The following ANKS1B variants were observed in gnomAD, a reference collection of about 807,000 sequenced individuals.
The protein encoded by ANKS1B is ankyrin repeat and sterile alpha motif domain-containing protein 1B.
ANKS1B carries 36 observed loss-of-function variants against 148.3 expected under a neutral mutation model. The ratio of observed to expected loss-of-function variants is 0.24; its 90% CI spans 0.19 to 0.32. ANKS1B has a LOEUF of 0.32. ANKS1B is among the 10% of genes least tolerant of loss of function. ANKS1B has a pLI of 1.00. For missense variants in ANKS1B, 1,157 were observed against 1,542.6 expected (o/e 0.75, Z 4.19); for synonymous variants, 542 against 560.8 (o/e 0.97, Z 0.47).
chr12:99,528,622 C>G (rs2096955333), intron 9 of ANKS1B, among the ~76,000 whole-genome samples: 1 of 152,002 alleles, frequency 6.6e-6, no homozygotes, highest in Non-Finnish European at 1.5e-5. Context: ...TAAAATGATT[C>G]ATTTCAAAAA....
At chr12:98,781,554 G>A in intron 23 of ANKS1B, 1 of 415,856 alleles carries the variant, frequency 2.4e-6, no homozygotes, top group Non-Finnish European at 4.7e-6. Flanking sequence ...TCAAGTGACT[G>A]TTCCTTTCAC....
At chr12:99,046,442 G>C (rs1392470824) in intron 17 of ANKS1B, among the ~76,000 whole-genome samples, 1 of 152,178 alleles carries the variant, frequency 6.6e-6, no homozygotes, top group Non-Finnish European at 1.5e-5. Context: ...AACTGTAACT[G>C]TATTCCATAT....
chr12:99,756,336 T>C (rs547134197), intron 8 of ANKS1B, among the ~76,000 whole-genome samples: 3 of 151,914 alleles, frequency 2.0e-5, no homozygotes, highest in Non-Finnish European at 4.4e-5. Context: ...CCATTCACAA[T>C]AGCCACAAAA....
chr12:99,406,528 GAACT>G (rs1335213736), intron 11 of ANKS1B, among the ~76,000 whole-genome samples: 2 of 144,864 alleles, frequency 1.4e-5, no homozygotes, highest in Non-Finnish European at 3.0e-5. Flanking sequence ...AGCAAAAGCA[GAACT>G]AACAGGAAAA....
At chr12:99,547,466 C>T (rs186904566) in intron 9 of ANKS1B, among the ~76,000 whole-genome samples, 1 of 152,136 alleles carries the variant, frequency 6.6e-6, no homozygotes, top group East Asian at 1.9e-4. Flanking sequence ...TATGAGGCAC[C>T]AGCCCTAGAA....
intron 9 of ANKS1B, among the ~76,000 whole-genome samples, chr12:99,527,332 G>C (rs1206596000): frequency 2.0e-5 from 3 of 152,110 alleles, no homozygotes; most frequent in Non-Finnish European, 4.4e-5. Context: ...CTTTCTTCTT[G>C]ATAAAATTCC....
intron 11 of ANKS1B, among the ~76,000 whole-genome samples, chr12:99,438,205 C>A (rs778135085): frequency 1.3e-5 from 2 of 151,806 alleles, no homozygotes; most frequent in African/African-American, 2.4e-5. Context: ...AACTTCCTCA[C>A]CTATAAAATG....
At chr12:98,853,636 G>A in intron 17 of ANKS1B, among the ~76,000 whole-genome samples, 1 of 152,306 alleles carries the variant, frequency 6.6e-6, no homozygotes, top group African/African-American at 2.4e-5. Context: ...TCCTGTGACT[G>A]CCCTAGTTAA....
chr12:99,122,501 G>C (rs555305092), intron 15 of ANKS1B, among the ~76,000 whole-genome samples: 1 of 152,158 alleles, frequency 6.6e-6, no homozygotes, highest in African/African-American at 2.4e-5. Context: ...AGAGATGTAG[G>C]TGTTTCGAGT....
At chr12:99,511,535 C>T (rs1267487520) in intron 9 of ANKS1B, among the ~76,000 whole-genome samples, 2 of 152,008 alleles carry the variant, frequency 1.3e-5, no homozygotes, top group African/African-American at 2.4e-5. Flanking sequence ...CTACCATTGA[C>T]ATTCTTCACA....
At chr12:99,196,105 GT>G (rs1463651688) in intron 14 of ANKS1B, among the ~76,000 whole-genome samples, 3 of 152,114 alleles carry the variant, frequency 2.0e-5, no homozygotes, top group Non-Finnish European at 4.4e-5. Context: ...GTCAACAGTA[GT>G]TTTTGCTGAT....
chr12:99,295,283 C>A (rs573380187), intron 12 of ANKS1B, among the ~76,000 whole-genome samples: 40 of 152,256 alleles, frequency 2.6e-4, no homozygotes, highest in Middle Eastern at 6.8e-3. Context: ...TAAATATTAG[C>A]CCAATGGCTA....
chr12:99,274,996 C>G (rs889444737), intron 12 of ANKS1B, among the ~76,000 whole-genome samples: 3 of 152,154 alleles, frequency 2.0e-5, no homozygotes, highest in African/African-American at 7.2e-5. Context: ...CAGGCAAAAT[C>G]TACATTGCCT....
chr12:99,238,142 A>G (rs1013908474), intron 14 of ANKS1B, among the ~76,000 whole-genome samples: 3 of 152,210 alleles, frequency 2.0e-5, no homozygotes, highest in Admixed American at 6.5e-5. Flanking sequence ...TCCCCTTCCT[A>G]GCCAAGGGAA....
At chr12:99,709,730 A>C (rs1043732410) in intron 8 of ANKS1B, among the ~76,000 whole-genome samples, 4 of 152,112 alleles carry the variant, frequency 2.6e-5, no homozygotes, top group African/African-American at 7.2e-5. Flanking sequence ...GGAATGAGAC[A>C]AGGGGAACAA....
chr12:99,691,260 C>T (rs1014122870), intron 8 of ANKS1B, among the ~76,000 whole-genome samples: 6 of 152,330 alleles, frequency 3.9e-5, no homozygotes, highest in South Asian at 4.1e-4. Context: ...CTTCTATGAA[C>T]GTCTCTGATA....
intron 9 of ANKS1B, among the ~76,000 whole-genome samples, chr12:99,632,740 TATATATATATATATATATATATATATA>T (rs1567522351): frequency 1.7e-5 from 1 of 57,694 alleles, no homozygotes; most frequent in East Asian, 5.8e-4. Flanking sequence ...TATATATATA[TATATATATATATATATATATATATATA>T]TTTTAATTAT....
Position 99,908,572 on chromosome 12 carries a change from C to A in ANKS1B, c.134+75532G>T, listed in dbSNP as rs1053302886. 2.0e-5 allele frequency among the ~76,000 whole-genome samples: 3 copies of A among 152,044 alleles called. No individual in the cohort carries two copies. The South Asian group carries it at 6.2e-4, about 31-fold the overall frequency. ...CTCCAGCCTGAGCGACAGAAAGAAA[C>A]CCTCTCCAAAAGAAAAGAAAGAAAA... On this transcript the variant is annotated intron_variant, in intron 1 of 26. Transcript: ENST00000683438.
At chr12:98,816,122 G>C (rs2099137882) in intron 19 of ANKS1B, among the ~76,000 whole-genome samples, 1 of 151,938 alleles carries the variant, frequency 6.6e-6, no homozygotes, top group African/African-American at 2.4e-5. Context: ...TTCTCTTTCT[G>C]CCTGACATGT....
Sources: gnomAD v4.1 joint callset for allele counts (sites outside exome capture counted in the v4.1 genomes callset) on GRCh38, gnomAD v4.1.1 for gene constraint, MANE v1.5 for transcripts, NCBI Gene and HGNC (gene_info 2026-07-23, HGNC 2026-07-21) for gene names.